MSRA: variants seen among roughly 807,000 people sequenced by gnomAD.
MSRA encodes the protein methionine sulfoxide reductase A.
A neutral mutation model predicts 31.3 loss-of-function variants in MSRA; 54 were observed. The observed-to-expected ratio is 1.73, with a 90% CI of 1.39 to 2.17. The LOEUF (loss-of-function observed/expected upper bound fraction) is 2.17, where lower values mean the gene tolerates loss of function less well. MSRA is among the 30% of genes most tolerant of loss of function. The probability of loss-of-function intolerance (pLI) is 0.00; values close to 1 mark genes in which losing one functional copy is unlikely to be tolerated. For missense variants in MSRA, 507 were observed against 300.9 expected (o/e 1.69, Z -5.07); for synonymous variants, 169 against 116.5 (o/e 1.45, Z -2.90).
chr8:10,391,663 G>C (rs1806756152), intron 5 of MSRA, among the ~76,000 whole-genome samples: 1 of 152,234 alleles, frequency 6.6e-6, no homozygotes, highest in Admixed American at 6.5e-5. Context: ...CTGAGGCTGA[G>C]CGTGGGCTAG....
intron 3 of MSRA, among the ~76,000 whole-genome samples, chr8:10,261,542 T>C (rs974760543): frequency 8.5e-5 from 13 of 152,122 alleles, no homozygotes; most frequent in African/African-American, 2.9e-4. Flanking sequence ...ACAAAACCTT[T>C]TTTTTAAGGA....
At chr8:10,348,861 T>C (rs999405028) in intron 5 of MSRA, among the ~76,000 whole-genome samples, 5 of 151,920 alleles carry the variant, frequency 3.3e-5, no homozygotes, top group Admixed American at 6.6e-5. Flanking sequence ...GGCACATGAG[T>C]GTGCATAACG....
At chr8:10,147,728 C>A (rs1239778727) in intron 1 of MSRA, among the ~76,000 whole-genome samples, 1 of 152,140 alleles carries the variant, frequency 6.6e-6, no homozygotes, top group Non-Finnish European at 1.5e-5. Flanking sequence ...AGCTCACAGG[C>A]AGGGAAGCCC....
intron 1 of MSRA, among the ~76,000 whole-genome samples, chr8:10,149,371 G>A (rs372673984): frequency 9.9e-5 from 15 of 152,068 alleles, no homozygotes; most frequent in East Asian, 7.7e-4. Flanking sequence ...TGATCCGCCC[G>A]CCTCGGCCTC....
chr8:10,183,730 C>A (rs1216107044), intron 1 of MSRA, among the ~76,000 whole-genome samples: 4 of 150,544 alleles, frequency 2.7e-5, no homozygotes, highest in African/African-American at 9.9e-5. Flanking sequence ...TTTTTCTCTG[C>A]GAGCTAAAGA....
intron 1 of MSRA, among the ~76,000 whole-genome samples, chr8:10,108,782 G>A (rs1201421919): frequency 6.6e-6 from 1 of 151,446 alleles, no homozygotes; most frequent in Non-Finnish European, 1.5e-5. Flanking sequence ...ACTGGTGGTT[G>A]GTTGTCAAAT....
rs1804896985 is a variant in MSRA at position 10,362,337 on chromosome 8, T to C, written c.543+42348T>C. 1.3e-5 allele frequency among the ~76,000 whole-genome samples: 2 copies of C among 152,068 alleles called. 1 individual carries two copies. Among genetic ancestry groups the C allele is most frequent in the South Asian group, 4.2e-4 (2 of 4,816 alleles). On this transcript the variant is annotated intron_variant, in intron 5 of 5. Transcript: ENST00000317173. ...ATATTTTGTGATTAGTGCTTGCTCCTGTCCCTGCCCCCATGAGCAAGTGTC... is the reference window on the plus strand; with the variant it reads ...ATATTTTGTGATTAGTGCTTGCTCCCGTCCCTGCCCCCATGAGCAAGTGTC...
chr8:10,205,529 C>G (rs1015428338), intron 1 of MSRA, among the ~76,000 whole-genome samples: 2 of 152,084 alleles, frequency 1.3e-5, no homozygotes, highest in East Asian at 3.9e-4. Context: ...ATAGGGTGCA[C>G]TTTGGATTGT....
At chr8:10,154,381 T>G (rs954354388) in intron 1 of MSRA, among the ~76,000 whole-genome samples, 1 of 152,022 alleles carries the variant, frequency 6.6e-6, no homozygotes, top group African/African-American at 2.4e-5. Flanking sequence ...TTTCTTTTCT[T>G]TCTTTCTTTT....
intron 3 of MSRA, among the ~76,000 whole-genome samples, chr8:10,253,248 G>A (rs1345584745): frequency 2.6e-5 from 4 of 152,206 alleles, no homozygotes; most frequent in East Asian, 1.9e-4. Flanking sequence ...TGAAGGGCAA[G>A]GGGTGAGTGA....
rs117862756 is a variant in MSRA, at chr8:10,275,447, A to G, written c.332-26087A>G. Among the ~76,000 whole-genome samples the G allele has an allele frequency of 2.3e-3, 351 of 152,374 alleles. 1 individual carries two copies. The highest frequency in any genetic ancestry group is 4.0e-3 in the Non-Finnish European group (275 of 68,040). On this transcript the variant is annotated intron_variant, in intron 3 of 5. Transcript: ENST00000317173. ...GCATCTTCTTTTCTGACACATGGGA[A>G]TTTTAAAGAATTGGAGTTGTGAAAC...
rs1802446134 is a variant in MSRA at position 10,327,775 on chromosome 8, T to C, written c.543+7786T>C. Among the ~76,000 whole-genome samples the C allele has an allele frequency of 2.0e-5, 3 of 152,100 alleles. No homozygotes were observed. The South Asian group carries it at 6.2e-4, about 31-fold the overall frequency. On this transcript the variant is annotated intron_variant, in intron 5 of 5. Transcript: ENST00000317173. ...GGTGAAACCCCGTCTCTACTAAAAA[T>C]ACAAAAAGTTAGTCAGGCGTGGTGG...
chr8:10,331,287 G>A (rs545146173), intron 5 of MSRA, among the ~76,000 whole-genome samples: 6 of 152,228 alleles, frequency 3.9e-5, no homozygotes. Context: ...CAGAGCACTG[G>A]CTTGGAGGAG....
intron 5 of MSRA, among the ~76,000 whole-genome samples, chr8:10,393,100 T>A (rs1806866779): frequency 6.7e-6 from 1 of 149,402 alleles, no homozygotes; most frequent in Non-Finnish European, 1.5e-5. Flanking sequence ...TTGTTTCTGA[T>A]CTCTGAGTTA....
intron 3 of MSRA, among the ~76,000 whole-genome samples, chr8:10,297,824 C>A (rs960456169): frequency 6.6e-6 from 1 of 152,154 alleles, no homozygotes. Context: ...TGTTTGCTGG[C>A]GAGTGGAAAT....
At chr8:10,244,303 G>T (rs1797496842) in intron 2 of MSRA, among the ~76,000 whole-genome samples, 1 of 152,170 alleles carries the variant, frequency 6.6e-6, no homozygotes, top group Non-Finnish European at 1.5e-5. Context: ...TCTGTATTTG[G>T]AGCCCAAGGA....
At chr8:10,214,929 G>C (rs892853745) in intron 2 of MSRA, among the ~76,000 whole-genome samples, 15 of 152,322 alleles carry the variant, frequency 9.8e-5, no homozygotes, top group Non-Finnish European at 2.1e-4. Context: ...TTGAAAACCT[G>C]TGTTGAAAAT....
chr8:10,160,280 G>A (rs1804518919), intron 1 of MSRA, among the ~76,000 whole-genome samples: 1 of 152,084 alleles, frequency 6.6e-6, no homozygotes, highest in Non-Finnish European at 1.5e-5. Flanking sequence ...AGATCACGAG[G>A]TCAGGAGATC....
intron 5 of MSRA, among the ~76,000 whole-genome samples, chr8:10,400,553 C>T (rs1042910736): frequency 2.0e-5 from 3 of 152,120 alleles, no homozygotes; most frequent in Admixed American, 6.5e-5. Flanking sequence ...GGATGGTGCA[C>T]CTGCTTTCTG....
Sources: allele counts gnomAD v4.1 joint callset (sites outside exome capture counted in the v4.1 genomes callset), GRCh38; gene constraint gnomAD v4.1.1; transcripts MANE v1.5; gene names NCBI Gene and HGNC (gene_info 2026-07-23, HGNC 2026-07-21).